CLASP2: variants seen among roughly 807,000 people sequenced by gnomAD.
CLASP2 encodes the protein cytoplasmic linker associated protein 2, also known as CLIP-associating protein 2.
In CLASP2, 47 loss-of-function variants were observed where a neutral mutation model predicts 194.4. The ratio of observed to expected loss-of-function variants is 0.24; its 90% confidence interval spans 0.19 to 0.31. CLASP2 has a LOEUF of 0.31. CLASP2 is among the 10% of genes least tolerant of loss of function. The pLI is 1.00. For missense variants in CLASP2, 1,445 were observed against 1,823.6 expected, an observed-to-expected ratio of 0.79 and a Z score of 3.78; for synonymous variants, 619 against 633.5, an observed-to-expected ratio of 0.98 and a Z score of 0.34.
At chr3:33,518,970 CT>C (rs1191686753) in intron 34 of CLASP2, among the ~76,000 whole-genome samples, 1 of 152,182 alleles carries the variant, frequency 6.6e-6, no homozygotes, top group African/African-American at 2.4e-5. Flanking sequence ...CATTAAATCT[CT>C]GCTTCTTATA....
chr3:33,678,673 G>T (rs946992204), intron 6 of CLASP2, among the ~76,000 whole-genome samples: 1 of 152,044 alleles, frequency 6.6e-6, no homozygotes, highest in Non-Finnish European at 1.5e-5. Flanking sequence ...AATGATACAG[G>T]TCAAAAACTC....
At chr3:33,640,586 T>C (rs1207004932) in intron 8 of CLASP2, among the ~76,000 whole-genome samples, 1 of 152,124 alleles carries the variant, frequency 6.6e-6, no homozygotes, top group Non-Finnish European at 1.5e-5. Flanking sequence ...AATTGAAGAT[T>C]TGGTCAATGA....
At chr3:33,611,326 T>C (rs2075136051) in intron 13 of CLASP2, among the ~76,000 whole-genome samples, 1 of 152,246 alleles carries the variant, frequency 6.6e-6, no homozygotes, top group Non-Finnish European at 1.5e-5. Flanking sequence ...GTAATCTTCC[T>C]CATTTTTCCT....
intron 32 of CLASP2, 85 bp downstream of exon 32, chr3:33,543,347 TG>T: frequency 1.1e-6 from 1 of 913,692 alleles, no homozygotes; most frequent in South Asian, 1.5e-5. Context: ...CACTCCAGCC[TG>T]GGCGACAGAG....
chr3:33,596,717 G>C lies in CLASP2; in HGVS notation c.1942C>G (p.Leu648Val). ...YASLEDTSDK[L>V]DGTASEDGRV... ...TAGGAAAGGAAGTTCTTACCATCCA[G>C]CTTGTCAGAAGTATCCTCTTTGATG... is the stretch of plus-strand genomic sequence containing the variant. The change falls in exon 19 of 39, where the codon CTG becomes GTG. Residue 648 changes from leucine to valine, a missense_variant. Physicochemically the swap from Leu to Val is conservative, Grantham distance 32. Around this residue, in one of 4 missense-constraint regions of CLASP2, gnomAD observed 174 missense variants for 179.0 expected, o/e 0.97. Transcript: ENST00000682230. 7.7e-6 allele frequency: 12 copies of C among 1,568,114 alleles called. No individual in the cohort carries two copies. Among genetic ancestry groups the C allele is most frequent in the Non-Finnish European group, 9.5e-6 (11 of 1,154,482 alleles).
chr3:33,591,060 C>G (rs1242408118), intron 21 of CLASP2, among the ~76,000 whole-genome samples: 2 of 151,976 alleles, frequency 1.3e-5, no homozygotes, highest in African/African-American at 4.8e-5. Flanking sequence ...CCTCTAGTCC[C>G]AGCTGCTTGA....
At chr3:33,659,044 G>A (rs1393034797) in intron 7 of CLASP2, 6 of 1,534,338 alleles carry the variant, frequency 3.9e-6, no homozygotes, top group Non-Finnish European at 5.2e-6. Context: ...CAGCAAATAA[G>A]TACAGCTCAG....
chr3:33,559,111 A>G (rs1399621006), intron 29 of CLASP2, 196 bp downstream of exon 29: 3 of 677,660 alleles, frequency 4.4e-6, no homozygotes. Flanking sequence ...AGATGAAAAC[A>G]AAAACAATAA....
At position 33,581,816 on chromosome 3, in the gene CLASP2, C is replaced by T. The variant is rs750139438; in HGVS notation, c.2347+5G>A. The T allele has an allele frequency of 1.9e-6, 3 of 1,606,098 alleles. No homozygotes were observed. The highest frequency in any genetic ancestry group is 2.6e-6 in the Non-Finnish European group (3 of 1,173,626). On this transcript the variant is annotated splice_donor_5th_base_variant and intron_variant, in intron 23 of 38. Transcript: ENST00000682230. ...AATGCACATAACACCTGCCCGAATA[C>T]GTACCGAGGGGCTGAAAAGAGCGAA...
At position 33,594,959 on chromosome 3, in the gene CLASP2, G is replaced by C. The variant is rs1477986645; in HGVS notation, c.1958C>G (p.Ser653Cys). The change falls in exon 20 of 39, where the codon TCT becomes TGT. Residue 653 changes from serine (S) to cysteine (C), a missense_variant. Coordinates refer to ENST00000682230, the MANE Select transcript of CLASP2 (RefSeq NM_001365631.1). Reference protein sequence around the residue: ...DTSDKLDGTASEDGRVRAKLS... With the variant: ...DTSDKLDGTACEDGRVRAKLS... ...AAATGTATAGTTCTTACCATCTTCA[G>C]ATGCTGTTCCTAAATAAGAAAAATA... The C allele has an allele frequency of 4.2e-6, 6 of 1,424,794 alleles. No homozygotes were observed. Among genetic ancestry groups the C allele is most frequent in the Admixed American group, 2.5e-5 (1 of 39,852 alleles). 88.3% of individuals were successfully genotyped at this position (1,424,794 alleles called of 1,614,324 possible).
intron 38 of CLASP2, among the ~76,000 whole-genome samples, chr3:33,501,279 C>T (rs2046788994): frequency 6.6e-6 from 1 of 152,090 alleles, no homozygotes; most frequent in South Asian, 2.1e-4. Context: ...GAGAGATATA[C>T]AGTAATCCAT....
At chr3:33,658,476 T>C (rs989608526) in intron 7 of CLASP2, among the ~76,000 whole-genome samples, 16 of 152,216 alleles carry the variant, frequency 1.1e-4, no homozygotes, top group African/African-American at 3.9e-4. Flanking sequence ...AGAAAAATGT[T>C]GGGACACTGA....
At chr3:33,711,402 T>C (rs1320368176) in intron 1 of CLASP2, among the ~76,000 whole-genome samples, 6 of 151,542 alleles carry the variant, frequency 4.0e-5, no homozygotes, top group African/African-American at 1.2e-4. Context: ...TGCACCACCA[T>C]ACCTGGCTAA....
At chr3:33,550,486 T>C (rs561670161) in intron 30 of CLASP2, among the ~76,000 whole-genome samples, 2 of 150,232 alleles carry the variant, frequency 1.3e-5, no homozygotes, top group East Asian at 3.9e-4. Flanking sequence ...GACAGACGTG[T>C]GTGCAGCAGG....
chr3:33,626,940 G>T, intron 10 of CLASP2, 48 bp downstream of exon 10: 1 of 1,135,794 alleles, frequency 8.8e-7, no homozygotes, highest in Non-Finnish European at 1.3e-6. Flanking sequence ...TTTTTAAAAG[G>T]AACATCAATA....
chr3:33,503,601 T>C (rs573425808), intron 37 of CLASP2: 12 of 152,054 alleles, frequency 7.9e-5, no homozygotes, highest in Non-Finnish European at 1.6e-4. Flanking sequence ...CTAATTTTTG[T>C]ATTTTTGGTA....
At chr3:33,678,089 A>G (rs2089152330) in intron 6 of CLASP2, among the ~76,000 whole-genome samples, 1 of 152,134 alleles carries the variant, frequency 6.6e-6, no homozygotes, top group Non-Finnish European at 1.5e-5. Flanking sequence ...AGATTGGAAA[A>G]CAAAACAGAA....
chr3:33,652,215 C>A (rs772415097), intron 7 of CLASP2, among the ~76,000 whole-genome samples: 1 of 152,146 alleles, frequency 6.6e-6, no homozygotes, highest in Non-Finnish European at 1.5e-5. Flanking sequence ...TACCAAAGTT[C>A]CTCTCTTCCC....
chr3:33,533,048 T>A (rs1446710779), intron 34 of CLASP2, among the ~76,000 whole-genome samples: 1 of 152,204 alleles, frequency 6.6e-6, no homozygotes, highest in African/African-American at 2.4e-5. Flanking sequence ...AAAATACATA[T>A]TTATAGTACA....
Sources: gnomAD v4.1 joint callset for allele counts (sites outside exome capture counted in the v4.1 genomes callset) on GRCh38, gnomAD v4.1.1 for gene constraint, gnomAD v4.1.1 regional missense constraint, MANE v1.5 for transcripts, NCBI Gene and HGNC (gene_info 2026-07-23, HGNC 2026-07-21) for gene names.